MUC4: variants seen among roughly 807,000 people sequenced by gnomAD.
MUC4 encodes the protein mucin-4.
Under a neutral mutation model 257.9 loss-of-function variants are expected in MUC4, and 202 were observed. The observed-to-expected ratio is 0.78, with a 90% CI of 0.70 to 0.88. MUC4 has a LOEUF of 0.88. Ranked by LOEUF, MUC4 falls within the 40% of genes least tolerant of loss-of-function variation. The probability of loss-of-function intolerance (pLI) is 0.00; values close to 1 mark genes in which losing one functional copy is unlikely to be tolerated. For missense variants in MUC4, 5,976 were observed against 6,513.7 expected, an observed-to-expected ratio of 0.92 and a Z score of 2.84; for synonymous variants, 2,351 against 2,757.1, an observed-to-expected ratio of 0.85 and a Z score of 4.62.
chr3:195,786,775 G>C lies in MUC4; in HGVS notation c.4805C>G (p.Pro1602Arg), dbSNP rs778641356. 1 of 1,454,664 alleles carries C rather than the reference G, an allele frequency of 6.9e-7. No individual in the cohort carries two copies. Among genetic ancestry groups the C allele is most frequent in the Non-Finnish European group, 9.2e-7 (1 of 1,092,052 alleles). The allele number at this position is 1,454,664 out of a possible 1,614,324, so 90.1% of individuals were successfully genotyped here. A position where few individuals can be genotyped will look rare whatever the true frequency, so the allele number is the denominator to read the frequency against. ...AGATGCTGAGGAAGGGCTGGTGACA[G>C]GAAGAGGGGTGGTGTCACCTTTGGA... is the stretch of plus-strand genomic sequence containing the variant. Reference protein sequence around the residue: ...SASKGDTTPLPVTSPSSASTG... With the variant: ...SASKGDTTPLRVTSPSSASTG... Residue 1602 changes from proline (P) to arginine (R), a missense_variant, in exon 2 of 25, where the codon CCT (proline) becomes CGT (arginine). By Grantham distance (103) the Pro-to-Arg change is moderately radical. Coordinates refer to ENST00000463781, the MANE Select transcript of MUC4 (RefSeq NM_018406.7).
chr3:195,763,049 G>A (rs757076566), intron 12 of MUC4, 104 bp from the exon 13 acceptor site: 34 of 1,000,308 alleles, frequency 3.4e-5, no homozygotes, highest in African/African-American at 2.1e-4. Flanking sequence ...GCCCTGGGCC[G>A]GGAGGAAGGC....
rs1426349219 is a variant in MUC4, at chr3:195,757,728, C to G, written c.14987-400G>C. The stretch of plus-strand genomic sequence containing the variant: ...GCTTCACTCTCACGGCAGCCCCATC[C>G]TTTGCCCTGATTTCTCACCCACCCC... On this transcript the variant is annotated intron_variant, in intron 17 of 24. Transcript: ENST00000463781. The surrounding 1 kb of genome is among the most constrained non-coding windows in gnomAD (Gnocchi z 4.8). Among the ~76,000 whole-genome samples, 1 of 152,182 alleles carries G rather than the reference C, an allele frequency of 6.6e-6. No homozygotes were observed. Among genetic ancestry groups the G allele is most frequent in the Non-Finnish European group, 1.5e-5 (1 of 68,032 alleles).
chr3:195,771,911 G>T, intron 4 of MUC4, 95 bp from the exon 5 acceptor site: 1 of 1,403,156 alleles, frequency 7.1e-7, no homozygotes, highest in Non-Finnish European at 9.9e-7. Context: ...GACCCCCAAG[G>T]GTAGAGCTTT....
At chr3:195,801,997 C>G (rs1419928494) in intron 1 of MUC4, among the ~76,000 whole-genome samples, 1 of 152,082 alleles carries the variant, frequency 6.6e-6, no homozygotes, top group African/African-American at 2.4e-5. Context: ...TCTCCTGCTG[C>G]CCCTCCCTCT....
chr3:195,788,476 G>T lies in MUC4; in HGVS notation c.3104C>A (p.Thr1035Lys), dbSNP rs1362401366. The T allele has an allele frequency of 1.3e-6, 2 of 1,545,364 alleles. No homozygotes were observed. The highest frequency in any genetic ancestry group is 2.5e-5 in the East Asian group (1 of 40,796). ...GACAGGAAGAGGGGTGACGTGACCT[G>T]TGGATTCTGAGGAAGTGTCGGTGAC... ...LPVTDTSSES[T>K]GHVTPLPVTS... Residue 1035 changes from threonine to lysine, a missense_variant, in exon 2 of 25, where the codon ACA becomes AAA. Around this residue, in one of 44 missense-constraint regions of MUC4, gnomAD observed 1,583 missense variants for 1,257.4 expected, o/e 1.26. Coordinates refer to ENST00000463781, the MANE Select transcript of MUC4 (RefSeq NM_018406.7).
chr3:195,765,696 G>A (rs1225298607), intron 8 of MUC4, among the ~76,000 whole-genome samples: 1 of 152,164 alleles, frequency 6.6e-6, no homozygotes, highest in Non-Finnish European at 1.5e-5. Context: ...CAGTTCACGT[G>A]GCTGGTTTCT....
chr3:195,754,795 C>T lies in MUC4; in HGVS notation c.15169-423G>A, dbSNP rs1294576152. Among the ~76,000 whole-genome samples, 7 of 151,814 alleles carry T rather than the reference C, an allele frequency of 4.6e-5. No individual in the cohort carries two copies. The South Asian group carries it at 1.0e-3, about 23-fold the overall frequency. On this transcript the variant is annotated intron_variant, in intron 18 of 24. Transcript: ENST00000463781. ...CCATGTATGTATGTGTGTATCCATG[C>T]ATGTATGCATGTATGTATCCATGTG... is the stretch of plus-strand genomic sequence containing the variant.
rs1014033347 is a variant in MUC4, at chr3:195,788,803, G to T, written c.2777C>A (p.Ser926Tyr). ...TGTTGAGAAGGTGTCGGTTGCCTGG[G>T]ACGCCAGGCTGATAGTGTCAGACCC... ...SRGSDTISLA[S>Y]QATDTFSTVP... is the part of the protein sequence containing the mutation. Residue 926 changes from serine to tyrosine, a missense_variant, in exon 2 of 25, where the codon TCC (serine) becomes TAC (tyrosine). Transcript: ENST00000463781. 1.2e-5 allele frequency: 19 copies of T among 1,613,808 alleles called. No individual in the cohort carries two copies. Among genetic ancestry groups the T allele is most frequent in the Admixed American group, 1.7e-5 (1 of 59,990 alleles).
chr3:195,774,697 C>A lies in MUC4; in HGVS notation c.12944-392G>T, dbSNP rs574988351. The stretch of plus-strand genomic sequence containing the variant: ...CGGGAGGATCACGAGGTCAGGAGTT[C>A]GAGACCAGCCTGACCAACATGGAGA... On this transcript the variant is annotated intron_variant, in intron 3 of 24. Transcript: ENST00000463781. Among the ~76,000 whole-genome samples, 35 of 151,820 alleles carry A rather than the reference C, an allele frequency of 2.3e-4. No homozygotes were observed. In the South Asian group the frequency reaches 7.1e-3, roughly 31 times the overall value.
intron 24 of MUC4, among the ~76,000 whole-genome samples, chr3:195,748,109 C>T (rs1233781389): frequency 2.6e-5 from 4 of 152,276 alleles, no homozygotes; most frequent in African/African-American, 9.6e-5. Flanking sequence ...GGGGCCGCGG[C>T]TTCCTGCGCT....
chr3:195,798,561 G>A (rs996759935), intron 1 of MUC4, among the ~76,000 whole-genome samples: 12 of 151,878 alleles, frequency 7.9e-5, no homozygotes, highest in Non-Finnish European at 1.3e-4. Flanking sequence ...AAAATTAGCC[G>A]GGCGTGGTGG....
At chr3:195,805,582 T>C (rs1735884237) in intron 1 of MUC4, among the ~76,000 whole-genome samples, 1 of 152,140 alleles carries the variant, frequency 6.6e-6, no homozygotes, top group African/African-American at 2.4e-5. Context: ...GTGCCTGTGA[T>C]CCCAGTTGGA....
chr3:195,767,783 ACCATCATTG>A (rs1169932659), intron 7 of MUC4, among the ~76,000 whole-genome samples: 2 of 126,328 alleles, frequency 1.6e-5, no homozygotes, highest in East Asian at 3.3e-4. Context: ...CACCATCACC[ACCATCATTG>A]CCACCACCAT....
Position 195,778,295 on chromosome 3 carries a change from G to A in MUC4, c.12943+8C>T. 2 of 1,606,676 alleles carry A rather than the reference G, an allele frequency of 1.2e-6. No homozygotes were observed. The highest frequency in any genetic ancestry group is 1.1e-5 in the South Asian group (1 of 90,508). ...CAAAAGGCACAGGCCTCACCTGTAT[G>A]GCCTCACCTCTCTCAGGCAGGATGG... On this transcript the variant is annotated splice_region_variant and intron_variant, in intron 3 of 24. Coordinates refer to ENST00000463781, the MANE Select transcript of MUC4 (RefSeq NM_018406.7).
At position 195,787,978 on chromosome 3, in the gene MUC4, A is replaced by C. The variant is rs773880490; in HGVS notation, c.3602T>G (p.Leu1201Arg). 3 of 1,293,736 alleles carry C rather than the reference A, an allele frequency of 2.3e-6. No homozygotes were observed. The allele number at this position is 1,293,736 out of a possible 1,614,324, so 80.1% of individuals were successfully genotyped here. ...TGCTGAGGAAGTGTCGGTGACAAGA[A>C]GAGGGGTGGCGTGACCTGTGGATGC... ...SSASTGHATPLLVTDTSSAST... is the reference protein window; with the variant it reads ...SSASTGHATPRLVTDTSSAST... The change falls in exon 2 of 25, where the codon CTT (leucine) becomes CGT (arginine). Residue 1201 changes from leucine to arginine, a missense_variant. This residue lies in a region of MUC4 where 90 missense variants were observed against 106.2 expected (regional missense o/e 0.85). Transcript: ENST00000463781.
chr3:195,802,734 G>A (rs758919033), intron 1 of MUC4, among the ~76,000 whole-genome samples: 6 of 152,204 alleles, frequency 3.9e-5, no homozygotes, highest in Non-Finnish European at 7.3e-5. Context: ...GCGCGTCTGT[G>A]TGCGTGGCAG....
chr3:195,784,198 T>G lies in MUC4; in HGVS notation c.7382A>C (p.Asp2461Ala), dbSNP rs576312148. ...VTSTSSASTG[D>A]TTPLPGTDTS... The stretch of plus-strand genomic sequence containing the variant: ...GTCGGTGCCAGGAAGAGGGGTGGTG[T>G]CACCTGTGGATGCTGAGGAAGTGCT... The change falls in exon 2 of 25, where the codon GAC (aspartate) becomes GCC (alanine). Residue 2461 changes from aspartate (D) to alanine (A), a missense_variant. This residue lies in a region of MUC4 where 57 missense variants were observed against 116.5 expected (regional missense o/e 0.49). Coordinates refer to ENST00000463781, the MANE Select transcript of MUC4 (RefSeq NM_018406.7). The G allele has an allele frequency of 6.6e-7, 1 of 1,507,676 alleles. No homozygotes were observed. The highest frequency in any genetic ancestry group is 1.2e-5 in the South Asian group (1 of 81,538). 93.4% of individuals were successfully genotyped at this position (1,507,676 alleles called of 1,614,324 possible). A position where few individuals can be genotyped will look rare whatever the true frequency, so the allele number is the denominator to read the frequency against.
rs781339655 is a variant in MUC4, at chr3:195,778,776, C to G, written c.12790+14G>C. On this transcript the variant is annotated intron_variant, in intron 2 of 24. Coordinates refer to ENST00000463781, the MANE Select transcript of MUC4 (RefSeq NM_018406.7). ...CCCACTGGGAGACATAAAGGCGAGG[C>G]AGTTGGCAGCTACCTGGTGTTTCCA... is the stretch of plus-strand genomic sequence containing the variant. 7.5e-6 allele frequency: 12 copies of G among 1,600,552 alleles called. No individual in the cohort carries two copies. The highest frequency in any genetic ancestry group is 1.0e-5 in the Non-Finnish European group (12 of 1,172,354).
chr3:195,765,108 C>T lies in MUC4; in HGVS notation c.13813G>A (p.Gly4605Ser), dbSNP rs142101534. The T allele has an allele frequency of 1.0e-4, 167 of 1,612,924 alleles. No homozygotes were observed. The highest frequency in any genetic ancestry group is 1.3e-4 in the Non-Finnish European group (152 of 1,179,506). ...QPVSIGRWGL[G>S]SRQLCSFTSW... ...GTGAAGCTGCACAGCTGCCTACTGCCGAGGCCCCAGCGACCTGAAACAAGT... is the reference window on the plus strand; with the variant it reads ...GTGAAGCTGCACAGCTGCCTACTGCTGAGGCCCCAGCGACCTGAAACAAGT... Residue 4605 changes from glycine to serine, a missense_variant, in exon 10 of 25, where the codon GGC (glycine) becomes AGC (serine). Physicochemically the swap from Gly to Ser is moderately conservative, Grantham distance 56. Coordinates refer to ENST00000463781, the MANE Select transcript of MUC4 (RefSeq NM_018406.7).
Sources: allele counts gnomAD v4.1 joint callset (sites outside exome capture counted in the v4.1 genomes callset), GRCh38; gene constraint gnomAD v4.1.1; regional missense constraint gnomAD v4.1.1; non-coding constraint Gnocchi (gnomAD v3.1); transcripts MANE v1.5; gene names NCBI Gene and HGNC (gene_info 2026-07-23, HGNC 2026-07-21).